CDH13: variants seen among roughly 807,000 people sequenced by gnomAD.
The protein encoded by CDH13 is cadherin-13.
Under a neutral mutation model 63.8 loss-of-function variants are expected in CDH13, and 24 were observed. The ratio of observed to expected loss-of-function variants is 0.38; its 90% CI spans 0.27 to 0.53. The LOEUF (loss-of-function observed/expected upper bound fraction) is 0.53, where lower values mean the gene tolerates loss of function less well. CDH13 is among the 20% of genes least tolerant of loss of function. The pLI, the probability that CDH13 is intolerant of heterozygous loss-of-function variation, is 0.85. For synonymous variants in CDH13, 503 were observed against 355.3 expected, an observed-to-expected ratio of 1.42 and a Z score of -4.67; for missense variants, 1,049 against 903.1, an observed-to-expected ratio of 1.16 and a Z score of -2.07.
intron 5 of CDH13, among the ~76,000 whole-genome samples, chr16:83,334,659 A>T (rs547572280): frequency 9.9e-5 from 15 of 152,226 alleles, no homozygotes; most frequent in Non-Finnish European, 2.1e-4. Context: ...TACAGGCATG[A>T]GCCACCATAC....
At chr16:83,029,907 C>G (rs1273781692) in intron 2 of CDH13, among the ~76,000 whole-genome samples, 1 of 152,102 alleles carries the variant, frequency 6.6e-6, no homozygotes, top group Non-Finnish European at 1.5e-5. Flanking sequence ...CAGCAGAGAC[C>G]AAAAAGCACG....
At chr16:82,747,396 TCTC>T (rs1220839029) in intron 1 of CDH13, among the ~76,000 whole-genome samples, 1 of 152,222 alleles carries the variant, frequency 6.6e-6, no homozygotes, top group East Asian at 1.9e-4. Flanking sequence ...TTTCCTTTCT[TCTC>T]ATATAGTTTT....
intron 5 of CDH13, among the ~76,000 whole-genome samples, chr16:83,294,957 A>G (rs1057090787): frequency 6.6e-6 from 1 of 152,190 alleles, no homozygotes; most frequent in Admixed American, 6.6e-5. Context: ...AGCTGTAGGT[A>G]TCACACTACC....
At chr16:83,571,385 G>A (rs561438211) in intron 7 of CDH13, among the ~76,000 whole-genome samples, 1 of 152,012 alleles carries the variant, frequency 6.6e-6, no homozygotes, top group South Asian at 2.1e-4. Context: ...CTTGATGTTG[G>A]GCCAAGTTTT....
chr16:83,449,722 A>C (rs1159360365), intron 6 of CDH13, among the ~76,000 whole-genome samples: 1 of 152,196 alleles, frequency 6.6e-6, no homozygotes, highest in Non-Finnish European at 1.5e-5. Context: ...CCTGTTCTGC[A>C]ACTTGCCTAA....
intron 6 of CDH13, among the ~76,000 whole-genome samples, chr16:83,431,785 A>G (rs943482849): frequency 5.9e-5 from 9 of 152,148 alleles, no homozygotes; most frequent in African/African-American, 2.2e-4. Flanking sequence ...AACCATTCGC[A>G]AGAATTCACC....
At chr16:83,554,380 A>G (rs2075564067) in intron 7 of CDH13, among the ~76,000 whole-genome samples, 1 of 152,222 alleles carries the variant, frequency 6.6e-6, no homozygotes, top group South Asian at 2.1e-4. Context: ...AAGGAGGCAT[A>G]GAAAGGAGCA....
At chr16:83,581,912 G>T (rs563925253) in intron 7 of CDH13, among the ~76,000 whole-genome samples, 1 of 152,184 alleles carries the variant, frequency 6.6e-6, no homozygotes, top group Admixed American at 6.5e-5. Context: ...ACATACCACT[G>T]TTGATCTTCT....
intron 5 of CDH13, among the ~76,000 whole-genome samples, chr16:83,240,718 T>C (rs1337133596): frequency 0.32 from 4,443 of 13,994 alleles, 893 homozygotes; most frequent in African/African-American, 0.46. Context: ...TGTCTTAATC[T>C]TTTTTTTTTT....
intron 8 of CDH13, among the ~76,000 whole-genome samples, chr16:83,634,053 G>GTTCA (rs1468737821): frequency 6.6e-6 from 1 of 151,964 alleles, no homozygotes; most frequent in East Asian, 1.9e-4. Flanking sequence ...AGAGCAGGAA[G>GTTCA]TTCATGTGGG....
intron 7 of CDH13, among the ~76,000 whole-genome samples, chr16:83,512,865 G>A (rs771209395): frequency 1.6e-3 from 237 of 152,060 alleles, no homozygotes; most frequent in Non-Finnish European, 2.3e-3. Context: ...ACCCTGGGAG[G>A]TGGCACCCAA....
At chr16:83,532,662 T>C (rs7196713) in intron 7 of CDH13, among the ~76,000 whole-genome samples, 22,661 of 152,262 alleles carry the variant, frequency 0.15, 1,981 homozygotes, top group African/African-American at 0.25. Context: ...TCCTCTGCAA[T>C]CTCTGCAGTG....
intron 1 of CDH13, among the ~76,000 whole-genome samples, chr16:82,723,505 C>T (rs1050396530): frequency 3.9e-5 from 6 of 152,122 alleles, no homozygotes; most frequent in African/African-American, 1.2e-4. Flanking sequence ...AGCAAAACCT[C>T]CTGTGAAGTT....
At chr16:82,695,455 C>T (rs1419342240) in intron 1 of CDH13, among the ~76,000 whole-genome samples, 1 of 152,194 alleles carries the variant, frequency 6.6e-6, no homozygotes, top group Non-Finnish European at 1.5e-5. Flanking sequence ...CTCTACCATT[C>T]ATGGCAGGGT....
At chr16:82,863,164 G>T (rs76431280) in intron 2 of CDH13, among the ~76,000 whole-genome samples, 176 of 152,224 alleles carry the variant, frequency 1.2e-3, no homozygotes, top group African/African-American at 4.0e-3. Flanking sequence ...CATAAATAGA[G>T]ACAGAAATGG....
At chr16:83,647,058 C>T (rs1249871585) in intron 8 of CDH13, among the ~76,000 whole-genome samples, 1 of 152,066 alleles carries the variant, frequency 6.6e-6, no homozygotes, top group African/African-American at 2.4e-5. Context: ...CGCCTGTAAT[C>T]CCAGCACTTT....
At position 83,633,847 on chromosome 16, in the gene CDH13, C is replaced by G. The variant is rs1200667514; in HGVS notation, c.1101+31253C>G. Among the ~76,000 whole-genome samples, 7 of 152,262 alleles carry G rather than the reference C, an allele frequency of 4.6e-5. No homozygotes were observed. In the South Asian group the frequency reaches 1.5e-3, roughly 32 times the overall value. The stretch of plus-strand genomic sequence containing the variant: ...ACAAGGTATCCCCCCTCCAAATTAA[C>G]AGTAAAATAGGCCATGTGATCCCAG... On this transcript the variant is annotated intron_variant, in intron 8 of 13. Transcript: ENST00000567109.
At chr16:82,716,411 C>T (rs775832998) in intron 1 of CDH13, among the ~76,000 whole-genome samples, 17 of 151,764 alleles carry the variant, frequency 1.1e-4, no homozygotes, top group Non-Finnish European at 1.9e-4. Flanking sequence ...ATTCATCTCT[C>T]CCAATTGCCT....
At chr16:83,486,279 G>T (rs1368008010) in intron 6 of CDH13, among the ~76,000 whole-genome samples, 198 bp from the exon 7 acceptor site, 1 of 152,226 alleles carries the variant, frequency 6.6e-6, no homozygotes, top group Admixed American at 6.5e-5. Context: ...TTTATTTCAG[G>T]TCTTTTCATG....
Sources: allele counts gnomAD v4.1 joint callset (sites outside exome capture counted in the v4.1 genomes callset), GRCh38; gene constraint gnomAD v4.1.1; transcripts MANE v1.5; gene names NCBI Gene and HGNC (gene_info 2026-07-23, HGNC 2026-07-21).